Variants in DZIP3 observed in about 807,000 individuals in gnomAD.
The protein encoded by DZIP3 is E3 ubiquitin-protein ligase DZIP3.
In DZIP3, 118 loss-of-function variants were observed where a neutral mutation model predicts 162.0. The ratio of observed to expected loss-of-function variants is 0.73; its 90% CI spans 0.63 to 0.85. The LOEUF is 0.85. Among genes scored for constraint, DZIP3 ranks in the 40% least tolerant of loss-of-function variants. The pLI is 0.00. For missense variants in DZIP3, 1,331 were observed against 1,407.0 expected (o/e 0.95, Z 0.86); for synonymous variants, 438 against 458.6 (o/e 0.96, Z 0.57).
At chr3:108,593,626 G>C (rs1316485628) in intron 1 of DZIP3, among the ~76,000 whole-genome samples, 2 of 150,312 alleles carry the variant, frequency 1.3e-5, no homozygotes, top group African/African-American at 2.4e-5. Context: ...AAGCTTGATA[G>C]CTTATTTAGT....
Position 108,634,915 on chromosome 3 carries a change from C to A in DZIP3, c.861C>A (p.Phe287Leu). ...LMCSKSCCVY[F>L]HKICWKKFKN... is the part of the protein sequence containing the mutation. ...GCAGTAAAAGTTGCTGTGTTTATTT[C>A]CATAAAATTTGCTGGAAAAAGTTCA... Residue 287 changes from phenylalanine to leucine, a missense_variant, in exon 10 of 33, where the codon TTC becomes TTA. Coordinates refer to ENST00000361582, the MANE Select transcript of DZIP3 (RefSeq NM_014648.4). 6.2e-7 allele frequency: 1 copy of A among 1,609,698 alleles called. No homozygotes were observed. The highest frequency in any genetic ancestry group is 1.7e-4 in the Middle Eastern group (1 of 6,040).
At position 108,605,378 on chromosome 3, in the gene DZIP3, A is replaced by G; in HGVS notation, c.-29A>G. 6.2e-7 allele frequency: 1 copy of G among 1,613,310 alleles called. No homozygotes were observed. The highest frequency in any genetic ancestry group is 8.5e-7 in the Non-Finnish European group (1 of 1,179,614). On this transcript the variant is annotated 5_prime_UTR_variant, in exon 2 of 33. It adds an upstream start codon to the 5' untranslated region. Coordinates refer to ENST00000361582, the MANE Select transcript of DZIP3 (RefSeq NM_014648.4). ...AAAGTCAGTTGGCAAGCAGTGGAAT[A>G]AGATTTTTGTAAAGAAACCTTGTGC...
In DZIP3 at chr3:108,641,195, C is replaced by T. The variant is rs183612552; in HGVS notation, c.1065-1243C>T. On this transcript the variant is annotated intron_variant, in intron 12 of 32. Coordinates refer to ENST00000361582, the MANE Select transcript of DZIP3 (RefSeq NM_014648.4). ...GTAAGAACCTTGCAATAATAGATTT[C>T]CATTTCTTCCCTCTTTTGTGCTATT... 2.3e-3 allele frequency among the ~76,000 whole-genome samples: 354 copies of T among 152,052 alleles called. 2 individuals are homozygous for T. Among genetic ancestry groups the T allele is most frequent in the Middle Eastern group, 0.014 (4 of 292 alleles).
intron 18 of DZIP3, 53 bp from the exon 19 acceptor site, chr3:108,654,092 T>C (rs1942998430): frequency 5.1e-6 from 8 of 1,572,998 alleles, no homozygotes; most frequent in African/African-American, 1.4e-5. Context: ...ATAGCTTAGA[T>C]GAAAATTACT....
In DZIP3 at chr3:108,642,464, T is replaced by C; in HGVS notation, c.1091T>C (p.Ile364Thr). 1 of 1,486,748 alleles carries C rather than the reference T, an allele frequency of 6.7e-7. No individual in the cohort carries two copies. Among genetic ancestry groups the C allele is most frequent in the Non-Finnish European group, 9.1e-7 (1 of 1,096,826 alleles). 92.1% of individuals were successfully genotyped at this position (1,486,748 alleles called of 1,614,324 possible). Residue 364 changes from isoleucine (I) to threonine (T), a missense_variant, in exon 13 of 33, where the codon ATA becomes ACA. Ile to Thr is a moderately conservative substitution (Grantham distance 89). Coordinates refer to ENST00000361582, the MANE Select transcript of DZIP3 (RefSeq NM_014648.4). ...TATAGAAAGTTGATATCTCTGAAAA[T>C]AACTGATACTGATATAAGACCGAAG... ...ASYRKLISLKITDTDIRPKIS... is the reference protein window; with the variant it reads ...ASYRKLISLKTTDTDIRPKIS...
At chr3:108,684,367 T>A in intron 27 of DZIP3, 26 bp downstream of exon 27, 2 of 1,596,522 alleles carry the variant, frequency 1.3e-6, no homozygotes, top group East Asian at 2.2e-5. Context: ...GTGGAATAGA[T>A]GTTAATTAGT....
chr3:108,648,938 AAAG>A lies in DZIP3; in HGVS notation c.1991_1993del (p.Lys664del), dbSNP rs746462809. 17 of 1,166,916 alleles carry A rather than the reference AAAG, an allele frequency of 1.5e-5. No homozygotes were observed. The highest frequency in any genetic ancestry group is 5.0e-5 in the African/African-American group (3 of 60,162). The allele number at this position is 1,166,916 out of a possible 1,614,324, so 72.3% of individuals were successfully genotyped here. On this transcript the variant is annotated inframe_deletion, in exon 17 of 33. Transcript: ENST00000361582. ...ACTAGGTTAAGAGTAAACAAAGGAA[AAAG>A]AAGAAGACTAAGAATAAAAAGGTAA...
At chr3:108,676,894 A>G (rs1368015939) in intron 25 of DZIP3, among the ~76,000 whole-genome samples, 1 of 152,116 alleles carries the variant, frequency 6.6e-6, no homozygotes, top group African/African-American at 2.4e-5. Context: ...TATGGTAAGC[A>G]AAAGTGGGGA....
chr3:108,690,728 G>A (rs1387457683), intron 31 of DZIP3, 59 bp from the exon 32 acceptor site: 10 of 1,499,676 alleles, frequency 6.7e-6, no homozygotes, highest in East Asian at 2.3e-5. Flanking sequence ...TGCATAGAGT[G>A]ACAACTGCCT....
chr3:108,628,554 A>G (rs1941690442), intron 7 of DZIP3, among the ~76,000 whole-genome samples: 1 of 152,122 alleles, frequency 6.6e-6, no homozygotes, highest in Admixed American at 6.5e-5. Flanking sequence ...GAAGCCTTCT[A>G]GTTTTCAGTG....
At chr3:108,672,465 A>G (rs1943957026) in intron 22 of DZIP3, 95 bp from the exon 23 acceptor site, 6 of 1,009,076 alleles carry the variant, frequency 5.9e-6, no homozygotes, top group Non-Finnish European at 9.2e-6. Flanking sequence ...ATAATTTCCT[A>G]CTGATTGTAT....
chr3:108,687,292 TA>T lies in DZIP3; in HGVS notation c.3150-679del, dbSNP rs1381534102. 9.2e-5 allele frequency among the ~76,000 whole-genome samples: 14 copies of T among 152,158 alleles called. No individual in the cohort carries two copies. In the East Asian group the frequency reaches 2.1e-3, roughly 23 times the overall value. On this transcript the variant is annotated intron_variant, in intron 28 of 32. Coordinates refer to ENST00000361582, the MANE Select transcript of DZIP3 (RefSeq NM_014648.4). ...CTAGTACAGTTGTTATAAATATGTATAAAAACATTATAAATCAAAGGTAGTT... is the reference window on the plus strand; with the variant it reads ...CTAGTACAGTTGTTATAAATATGTATAAAACATTATAAATCAAAGGTAGTT...
chr3:108,658,574 A>C (rs1943258305), intron 19 of DZIP3, among the ~76,000 whole-genome samples: 1 of 152,168 alleles, frequency 6.6e-6, no homozygotes, highest in Admixed American at 6.5e-5. Flanking sequence ...CATCACAATT[A>C]AAAGAACTAG....
At chr3:108,619,905 A>C (rs1941234554) in intron 5 of DZIP3, among the ~76,000 whole-genome samples, 2 of 151,862 alleles carry the variant, frequency 1.3e-5, no homozygotes, top group Admixed American at 1.3e-4. Flanking sequence ...AACATATTAA[A>C]AAAAAAAAAA....
At chr3:108,652,069 G>C (rs142084231) in intron 18 of DZIP3, among the ~76,000 whole-genome samples, 1 of 151,744 alleles carries the variant, frequency 6.6e-6, no homozygotes, top group East Asian at 1.9e-4. Context: ...TTTTTAGGCT[G>C]TGTCTAAATG....
chr3:108,646,811 G>A (rs1942641542), intron 15 of DZIP3, among the ~76,000 whole-genome samples, 162 bp downstream of exon 15: 1 of 152,184 alleles, frequency 6.6e-6, no homozygotes. Context: ...GGGAGGCTGA[G>A]GCAGGTGGAT....
At chr3:108,674,464 A>G (rs1174255336) in intron 24 of DZIP3, among the ~76,000 whole-genome samples, 2 of 151,926 alleles carry the variant, frequency 1.3e-5, no homozygotes, top group Non-Finnish European at 2.9e-5. Flanking sequence ...TGAGAAGTCT[A>G]ATGAGTACTA....
chr3:108,613,132 A>G (rs1472246333), intron 4 of DZIP3, among the ~76,000 whole-genome samples: 6 of 150,584 alleles, frequency 4.0e-5, no homozygotes, highest in African/African-American at 1.5e-4. Context: ...AAACTCTATT[A>G]AAGGTAAGAA....
chr3:108,612,057 G>A (rs1385115768), intron 4 of DZIP3, among the ~76,000 whole-genome samples: 2 of 152,106 alleles, frequency 1.3e-5, no homozygotes, highest in Admixed American at 1.3e-4. Context: ...TATTCTGGAA[G>A]CTATATTGTA....
Sources: gnomAD v4.1 joint callset for allele counts (sites outside exome capture counted in the v4.1 genomes callset) on GRCh38, gnomAD v4.1.1 for gene constraint, MANE v1.5 for transcripts, NCBI Gene and HGNC (gene_info 2026-07-23, HGNC 2026-07-21) for gene names.